ADGRG6: variants seen among roughly 807,000 people sequenced by gnomAD.
The protein encoded by ADGRG6 is G-protein coupled receptor 126.
ADGRG6 carries 84 observed loss-of-function variants against 142.4 expected under a neutral mutation model. The ratio of observed to expected loss-of-function variants is 0.59; its 90% CI spans 0.49 to 0.71. The LOEUF (loss-of-function observed/expected upper bound fraction) is 0.71. ADGRG6 is among the 30% of genes least tolerant of loss of function. The pLI is 0.00. For missense variants in ADGRG6, 1,367 were observed against 1,466.6 expected, an observed-to-expected ratio of 0.93 and a Z score of 1.11; for synonymous variants, 521 against 520.5, an observed-to-expected ratio of 1.00 and a Z score of -0.01.
At chr6:142,391,412 C>T (rs1461266358) in intron 7 of ADGRG6, among the ~76,000 whole-genome samples, 4 of 145,978 alleles carry the variant, frequency 2.7e-5, no homozygotes, top group South Asian at 2.2e-4. Flanking sequence ...AGAAAGTTTA[C>T]GCATTGAGAG....
intron 4 of ADGRG6, among the ~76,000 whole-genome samples, chr6:142,381,049 A>G (rs775344508): frequency 3.9e-5 from 6 of 152,160 alleles, no homozygotes; most frequent in Non-Finnish European, 8.8e-5. Context: ...TGAAGAAACC[A>G]TGCCTCTGGA....
At chr6:142,440,902 G>A in intron 24 of ADGRG6, 2 of 1,393,780 alleles carry the variant, frequency 1.4e-6, no homozygotes, top group Non-Finnish European at 2.0e-6. Flanking sequence ...TATGTTTATG[G>A]TATAGATAAT....
rs1276352091 is a variant in ADGRG6 at position 142,444,582 on chromosome 6, C to T, written c.*1067C>T. 1 of 152,132 alleles carries T rather than the reference C, an allele frequency of 6.6e-6. No homozygotes were observed. The highest frequency in any genetic ancestry group is 1.5e-5 in the Non-Finnish European group (1 of 68,018). 9.4% of individuals were successfully genotyped at this position (152,132 alleles called of 1,614,324 possible). A position where few individuals can be genotyped will look rare whatever the true frequency, so the allele number is the denominator to read the frequency against. Reference sequence around the variant, plus strand: ...CAAAATAATTTATGAAGAGCTGGGTCTGCAATAGCTAGTCTAAAAACTACT... The same window carrying T: ...CAAAATAATTTATGAAGAGCTGGGTTTGCAATAGCTAGTCTAAAAACTACT... On this transcript the variant is annotated 3_prime_UTR_variant, in exon 25 of 25. Transcript: ENST00000367609.
Position 142,400,321 on chromosome 6 carries a change from AT to A in ADGRG6, c.1568-153del, listed in dbSNP as rs202107530. On this transcript the variant is annotated intron_variant, in intron 10 of 24. Coordinates refer to ENST00000367609, the MANE Select transcript of ADGRG6 (RefSeq NM_198569.3). Reference sequence around the variant, plus strand: ...ATGTTAATGTTTTTTCTAACTTCTAATTTTTTTTTTTACAAATTCTGAAGAT... The same window carrying A: ...ATGTTAATGTTTTTTCTAACTTCTAATTTTTTTTTTACAAATTCTGAAGAT... Among the ~76,000 whole-genome samples, 5,310 of 148,438 alleles carry A rather than the reference AT, an allele frequency of 0.036. 209 individuals are homozygous for A. Among genetic ancestry groups the A allele is most frequent in the African/African-American group, 0.094 (3,835 of 40,738 alleles).
chr6:142,305,453 C>T (rs1455967307), intron 1 of ADGRG6, among the ~76,000 whole-genome samples: 1 of 136,894 alleles, frequency 7.3e-6, no homozygotes, highest in South Asian at 2.4e-4. Context: ...CACACACACA[C>T]ACACACACAC....
At position 142,329,973 on chromosome 6, in the gene ADGRG6, G is replaced by T. The variant is rs1478187818; in HGVS notation, c.103+20329G>T. ...TGCAGCCCATATATAGCCTGCAGTT[G>T]TGTGCTTCTTTATTTTAGTCTCTAC... On this transcript the variant is annotated intron_variant, in intron 2 of 24. Coordinates refer to ENST00000367609, the MANE Select transcript of ADGRG6 (RefSeq NM_198569.3). 3.9e-5 allele frequency among the ~76,000 whole-genome samples: 6 copies of T among 152,104 alleles called. No homozygotes were observed. The East Asian group carries it at 1.2e-3, about 29-fold the overall frequency.
At chr6:142,375,485 C>CTTCA (rs1380600814) in intron 4 of ADGRG6, among the ~76,000 whole-genome samples, 2 of 152,164 alleles carry the variant, frequency 1.3e-5, no homozygotes, top group Non-Finnish European at 1.5e-5. Flanking sequence ...GAGTCCAAGT[C>CTTCA]ACTCATTAAC....
intron 19 of ADGRG6, among the ~76,000 whole-genome samples, chr6:142,415,377 A>C (rs570673884): frequency 3.3e-4 from 50 of 152,196 alleles, no homozygotes; most frequent in Non-Finnish European, 5.6e-4. Context: ...GTAAAACATG[A>C]AAATGTTTGT....
chr6:142,314,245 T>C (rs529123672), intron 2 of ADGRG6, among the ~76,000 whole-genome samples: 108 of 152,242 alleles, frequency 7.1e-4, no homozygotes, highest in African/African-American at 2.4e-3. Flanking sequence ...TACATAAACG[T>C]AGAAGGGGAA....
chr6:142,395,454 C>T (rs1420073732), intron 9 of ADGRG6, among the ~76,000 whole-genome samples: 1 of 152,118 alleles, frequency 6.6e-6, no homozygotes, highest in Non-Finnish European at 1.5e-5. Flanking sequence ...AGGCAGTCAG[C>T]GTCCGCTTTT....
At chr6:142,400,782 T>G (rs1474837895) in intron 11 of ADGRG6, 186 bp downstream of exon 11, 1 of 517,408 alleles carries the variant, frequency 1.9e-6, no homozygotes, top group Non-Finnish European at 3.5e-6. Flanking sequence ...AGAAAGGCAG[T>G]GTTTTCCTCC....
intron 22 of ADGRG6, among the ~76,000 whole-genome samples, chr6:142,425,863 A>G (rs962484042): frequency 6.6e-6 from 1 of 152,222 alleles, no homozygotes; most frequent in Non-Finnish European, 1.5e-5. Flanking sequence ...AGGTGGCGGT[A>G]GGCAAAGAGA....
At chr6:142,348,197 A>G (rs866577473) in intron 2 of ADGRG6, among the ~76,000 whole-genome samples, 5 of 152,170 alleles carry the variant, frequency 3.3e-5, no homozygotes, top group African/African-American at 9.7e-5. Flanking sequence ...AAAAACAAAC[A>G]TGAATGATAG....
chr6:142,359,356 A>T (rs998909627), intron 2 of ADGRG6, among the ~76,000 whole-genome samples: 1 of 151,876 alleles, frequency 6.6e-6, no homozygotes, highest in Non-Finnish European at 1.5e-5. Flanking sequence ...ATCTCTGCCT[A>T]CTTTGTCATC....
Position 142,393,819 on chromosome 6 carries a change from T to C in ADGRG6, c.1362-77T>C, listed in dbSNP as rs1583083463. ...TTAGAATTCCCATTCTGTCTCTTTA[T>C]TTCAGGTCCCCAAATTTTATTGTTG... On this transcript the variant is annotated intron_variant, in intron 8 of 24. Transcript: ENST00000367609. 5.7e-6 allele frequency: 5 copies of C among 881,824 alleles called. No individual in the cohort carries two copies. The East Asian group carries it at 1.3e-4, about 23-fold the overall frequency. 54.6% of individuals were successfully genotyped at this position (881,824 alleles called of 1,614,324 possible).
Position 142,443,428 on chromosome 6 carries a change from G to A in ADGRG6, c.3666G>A (p.Lys1222=), listed in dbSNP as rs1582703955. The A allele has an allele frequency of 8.7e-6, 14 of 1,611,128 alleles. No homozygotes were observed. The East Asian group carries it at 3.1e-4, about 36-fold the overall frequency. The change falls in exon 25 of 25, where the codon AAG becomes AAA. Residue 1222 remains lysine (K), a synonymous_variant. Transcript: ENST00000367609. ...TCCCTGTCCATCAGGTCATTGATAA[G>A]GTCAAGGGTTATTGCAATGCTCATT... The part of the protein sequence containing the change: ...SIIPVHQVID[K]VKGYCNAHSD...
chr6:142,316,163 T>G (rs1778055712), intron 2 of ADGRG6, among the ~76,000 whole-genome samples: 2 of 152,152 alleles, frequency 1.3e-5, no homozygotes, highest in Non-Finnish European at 2.9e-5. Flanking sequence ...AAACTTGTGG[T>G]TTAGAAATGA....
At chr6:142,316,562 A>C (rs1410113988) in intron 2 of ADGRG6, among the ~76,000 whole-genome samples, 3 of 152,178 alleles carry the variant, frequency 2.0e-5, no homozygotes, top group Non-Finnish European at 4.4e-5. Context: ...GTTTTTATAC[A>C]CACAGTTCCT....
At chr6:142,355,497 G>A (rs1780400745) in intron 2 of ADGRG6, among the ~76,000 whole-genome samples, 1 of 152,046 alleles carries the variant, frequency 6.6e-6, no homozygotes, top group Admixed American at 6.6e-5. Context: ...GTAATCAAGA[G>A]CATAGAAGCA....
Sources: gnomAD v4.1 joint callset for allele counts (sites outside exome capture counted in the v4.1 genomes callset) on GRCh38, gnomAD v4.1.1 for gene constraint, MANE v1.5 for transcripts, NCBI Gene and HGNC (gene_info 2026-07-23, HGNC 2026-07-21) for gene names.